Variants in ACADVL observed in about 807,000 individuals in gnomAD.
The protein encoded by ACADVL is acyl-CoA dehydrogenase very long chain.
A neutral mutation model predicts 80.4 loss-of-function variants in ACADVL; 73 were observed. The observed-to-expected ratio is 0.91, with a 90% CI of 0.75 to 1.10. ACADVL has a LOEUF of 1.10. Among genes scored for constraint, ACADVL ranks in the 50% least tolerant of loss-of-function variants. The probability of loss-of-function intolerance (pLI) is 0.00; values close to 1 mark genes in which losing one functional copy is unlikely to be tolerated. For missense variants in ACADVL, 878 were observed against 858.9 expected (o/e 1.02, Z -0.28); for synonymous variants, 392 against 326.5 (o/e 1.20, Z -2.16).
At chr17:7,218,209 A>G (rs1198164624), upstream of ACADVL, 5 of 1,594,498 alleles carry the variant, frequency 3.1e-6, no homozygotes, top group Non-Finnish European at 3.4e-6. Flanking sequence ...CCTGCCCCTC[A>G]GGAAGTTAGG....
In ACADVL at chr17:7,222,321, G is replaced by C. The variant is rs1405611766; in HGVS notation, c.878+19G>C. 2 of 1,612,942 alleles carry C rather than the reference G, an allele frequency of 1.2e-6. No homozygotes were observed. The highest frequency in any genetic ancestry group is 2.2e-5 in the East Asian group (1 of 44,864). On this transcript the variant is annotated intron_variant, in intron 9 of 19. Coordinates refer to ENST00000356839, the MANE Select transcript of ACADVL (RefSeq NM_000018.4). ...TTACCCAGTGAGTGAATTTGGGTTG[G>C]GGGAGCTTAGGACTGAGGGGCAGGA...
chr17:7,224,268 G>T (rs1357093881), intron 15 of ACADVL, 25 bp downstream of exon 15: 2 of 1,613,504 alleles, frequency 1.2e-6, no homozygotes, highest in Non-Finnish European at 1.7e-6. Flanking sequence ...AGAGCCAGGG[G>T]AGGGCAGGGT....
rs771711857 is a variant in ACADVL, at chr17:7,220,855, C to T, written c.342+25C>T. ...GGTAAGGAATGACTCGGGGCTTGGTCCCTGGTGAGGTGTTTGGAGATGTTA... is the reference window on the plus strand; with the variant it reads ...GGTAAGGAATGACTCGGGGCTTGGTTCCTGGTGAGGTGTTTGGAGATGTTA... On this transcript the variant is annotated intron_variant, in intron 5 of 19. Transcript: ENST00000356839. The T allele has an allele frequency of 8.1e-5, 130 of 1,613,900 alleles. No individual in the cohort carries two copies. Among genetic ancestry groups the T allele is most frequent in the Admixed American group, 3.3e-4 (20 of 59,996 alleles).
In ACADVL at chr17:7,219,960, C is replaced by T; in HGVS notation, c.-25C>T. On this transcript the variant is annotated 5_prime_UTR_variant, in exon 1 of 20. Coordinates refer to ENST00000356839, the MANE Select transcript of ACADVL (RefSeq NM_000018.4). ...GCCAGAGCTGGGTCAGAGCTCGAGC[C>T]AGCGGCGCCCGGAGAGATTCGGAGA... 7.0e-7 allele frequency: 1 copy of T among 1,423,960 alleles called. No individual in the cohort carries two copies. The highest frequency in any genetic ancestry group is 9.7e-7 in the Non-Finnish European group (1 of 1,029,404). 88.2% of individuals were successfully genotyped at this position (1,423,960 alleles called of 1,614,324 possible).
intron 6 of ACADVL, 86 bp downstream of exon 6, chr17:7,221,144 G>A: frequency 2.5e-6 from 4 of 1,599,166 alleles, no homozygotes; most frequent in Non-Finnish European, 3.4e-6. Context: ...AGAGACTAGG[G>A]CTAAGGTCTC....
Position 7,224,248 on chromosome 17 carries a change from G to A in ACADVL, c.1532+5G>A. ...GGCAGGCAAACAGCTGAGGCGGTAG[G>A]CTTAGGGCCAGAGCCAGGGGAGGGC... On this transcript the variant is annotated splice_donor_5th_base_variant and intron_variant, in intron 15 of 19. Transcript: ENST00000356839. 3 of 1,613,790 alleles carry A rather than the reference G, an allele frequency of 1.9e-6. No individual in the cohort carries two copies. The highest frequency in any genetic ancestry group is 2.5e-6 in the Non-Finnish European group (3 of 1,180,032).
In ACADVL at chr17:7,223,794, A is replaced by G; in HGVS notation, c.1270-19A>G. ...GTGCTCAGCTCCCAAAACCAGTCTC[A>G]TCTGTTCTTTGTCCCTAGGAGGCAG... is the stretch of plus-strand genomic sequence containing the variant. On this transcript the variant is annotated intron_variant, in intron 12 of 19. Coordinates refer to ENST00000356839, the MANE Select transcript of ACADVL (RefSeq NM_000018.4). The G allele has an allele frequency of 6.2e-7, 1 of 1,614,122 alleles. No homozygotes were observed. The highest frequency in any genetic ancestry group is 8.5e-7 in the Non-Finnish European group (1 of 1,179,994).
upstream of ACADVL, chr17:7,218,677 C>T: frequency 6.5e-7 from 1 of 1,544,606 alleles, no homozygotes; most frequent in Non-Finnish European, 8.8e-7. Context: ...AGGGAAGATG[C>T]CAACACAGGA....
upstream of ACADVL, chr17:7,218,221 G>A (rs577474917): frequency 6.2e-6 from 10 of 1,602,414 alleles, no homozygotes; most frequent in South Asian, 7.9e-5. Flanking sequence ...GAAGTTAGGC[G>A]CTCGCCCCCA....
rs150518187 is a variant in ACADVL, at chr17:7,224,184, A to G, written c.1473A>G (p.Leu491=). 655 of 1,614,112 alleles carry G rather than the reference A, an allele frequency of 4.1e-4. 1 individual carries two copies. The highest frequency in any genetic ancestry group is 2.5e-3 in the Middle Eastern group (15 of 6,062). ...AGCTCTCTGGGCTTGGCAGTGCTCT[A>G]AAGAATCCCTTTGGGAATGCTGGCC... ...GKELSGLGSA[L]KNPFGNAGLL... Residue 491 remains leucine, a synonymous_variant, in exon 15 of 20, where the codon CTA becomes CTG. Transcript: ENST00000356839.
rs910043547 is a variant in ACADVL at position 7,221,135 on chromosome 17, G to A, written c.477+77G>A. On this transcript the variant is annotated intron_variant, in intron 6 of 19. Transcript: ENST00000356839. ...ACTCAGCTCTTTTGCCATAGACCTA[G>A]AGACTAGGGCTAAGGTCTCTTCTAA... The A allele has an allele frequency of 3.8e-5, 61 of 1,605,760 alleles. No individual in the cohort carries two copies. In the African/African-American group the frequency reaches 7.1e-4, roughly 19 times the overall value.
chr17:7,217,588 A>T, upstream of ACADVL: 3 of 1,280,308 alleles, frequency 2.3e-6, no homozygotes, highest in Non-Finnish European at 3.0e-6. Flanking sequence ...GCAGCGGCCG[A>T]GGGAGCCGTG....
At position 7,220,112 on chromosome 17, in the gene ACADVL, C is replaced by T. The variant is rs2142960638; in HGVS notation, c.63-10C>T. 6.3e-7 allele frequency: 1 copy of T among 1,578,274 alleles called. No homozygotes were observed. On this transcript the variant is annotated splice_polypyrimidine_tract_variant and intron_variant, in intron 1 of 19. Coordinates refer to ENST00000356839, the MANE Select transcript of ACADVL (RefSeq NM_000018.4). ...GCACCGGGCCGGCACTGAACCCCCACTCCCCACAGCTCGCGGCTCACGGCG... is the reference window on the plus strand; with the variant it reads ...GCACCGGGCCGGCACTGAACCCCCATTCCCCACAGCTCGCGGCTCACGGCG...
intron 6 of ACADVL, 137 bp from the exon 7 acceptor site, chr17:7,221,399 CTG>C: frequency 1.4e-6 from 2 of 1,427,716 alleles, no homozygotes; most frequent in Non-Finnish European, 2.0e-6. Context: ...TTTCTACACA[CTG>C]GGGATGGCCC....
intron 11 of ACADVL, 181 bp from the exon 12 acceptor site, chr17:7,223,463 T>C: frequency 1.2e-6 from 1 of 830,646 alleles, no homozygotes; most frequent in Non-Finnish European, 2.1e-6. Context: ...ACCTCATCCC[T>C]TACATCCACC....
rs76772370 is a variant in ACADVL at position 7,223,745 on chromosome 17, A to G, written c.1269+15A>G. ...TCTTTGGCTCGGTGAGGTCCCAGGC[A>G]TGCTGGGAGGGAGTCCAGTTTGGGT... On this transcript the variant is annotated intron_variant, in intron 12 of 19. Coordinates refer to ENST00000356839, the MANE Select transcript of ACADVL (RefSeq NM_000018.4). 4.3e-6 allele frequency: 7 copies of G among 1,614,048 alleles called. No homozygotes were observed. In the South Asian group the frequency reaches 4.4e-5, roughly 10 times the overall value.
chr17:7,225,194 A>C lies in ACADVL; in HGVS notation c.*97A>C. On this transcript the variant is annotated 3_prime_UTR_variant, in exon 20 of 20. Coordinates refer to ENST00000356839, the MANE Select transcript of ACADVL (RefSeq NM_000018.4). ...GCCCTGGTTTGTCCCGAAGGGGCCT[A>C]GTGTTCCCAGCACTGTGCCTGCTCT... 2 of 1,545,402 alleles carry C rather than the reference A, an allele frequency of 1.3e-6. No homozygotes were observed. Among genetic ancestry groups the C allele is most frequent in the Middle Eastern group, 2.1e-4 (1 of 4,694 alleles).
chr17:7,221,871 C>T, intron 7 of ACADVL, 81 bp from the exon 8 acceptor site: 2 of 1,609,910 alleles, frequency 1.2e-6, no homozygotes, highest in Non-Finnish European at 1.7e-6. Context: ...GGGGAACTGC[C>T]TGCTGGAGGG....
upstream of ACADVL, chr17:7,218,733 C>T: frequency 6.4e-7 from 1 of 1,574,226 alleles, no homozygotes; most frequent in Non-Finnish European, 8.7e-7. Context: ...TGCCCTTCAC[C>T]CCAGCCCCTA....
Sources: allele counts gnomAD v4.1 joint callset, GRCh38; gene constraint gnomAD v4.1.1; transcripts MANE v1.5; gene names NCBI Gene and HGNC (gene_info 2026-07-23, HGNC 2026-07-21).